Variants in RNFT2 observed in about 807,000 individuals in gnomAD.
RNFT2 encodes the protein E3 ubiquitin-protein ligase RNFT2.
In RNFT2, 36 loss-of-function variants were observed where a neutral mutation model predicts 53.0. The ratio of observed to expected loss-of-function variants is 0.68; its 90% CI spans 0.52 to 0.90. The LOEUF (loss-of-function observed/expected upper bound fraction) is 0.90, where lower values mean the gene tolerates loss of function less well. Among genes scored for constraint, RNFT2 ranks in the 40% least tolerant of loss-of-function variants. RNFT2 has a pLI of 0.00. For synonymous variants in RNFT2, 260 were observed against 253.2 expected (o/e 1.03, Z -0.26); for missense variants, 514 against 585.6 (o/e 0.88, Z 1.26).
chr12:116,845,012 G>T (rs1012165563), intron 10 of RNFT2, among the ~76,000 whole-genome samples: 2 of 152,078 alleles, frequency 1.3e-5, no homozygotes, highest in Non-Finnish European at 2.9e-5. Context: ...AGAGGCCAAG[G>T]TGGGAGGATC....
chr12:116,850,526 T>G lies in RNFT2; in HGVS notation c.*1078T>G, dbSNP rs1347745179. 2 of 151,964 alleles carry G rather than the reference T, an allele frequency of 1.3e-5. No individual in the cohort carries two copies. Among genetic ancestry groups the G allele is most frequent in the East Asian group, 3.9e-4 (2 of 5,182 alleles). The allele number at this position is 151,964 out of a possible 1,614,324, so 9.4% of individuals were successfully genotyped here. On this transcript the variant is annotated 3_prime_UTR_variant, in exon 11 of 11. Coordinates refer to ENST00000257575, the MANE Select transcript of RNFT2 (RefSeq NM_001382266.1). ...GTACCTAGGACTTGATGGTGCAGGC[T>G]GGGGAGGAGCCTAGAGATCACTGCC...
intron 7 of RNFT2, among the ~76,000 whole-genome samples, chr12:116,819,690 C>G (rs1015499969): frequency 7.9e-5 from 12 of 152,234 alleles, no homozygotes; most frequent in African/African-American, 2.7e-4. Flanking sequence ...CGCCTCCTAC[C>G]TGCTGCGCTT....
chr12:116,836,242 G>C lies in RNFT2; in HGVS notation c.1160G>C (p.Cys387Ser). ...GAAGCTGGTGACATCTGCGCCATCT[G>C]TCAGGCCGAGTTCCGAGAGCCTCTG... ...CTEAGDICAI[C>S]QAEFREPLIL... Residue 387 changes from cysteine to serine, a missense_variant, in exon 10 of 11, where the codon TGT becomes TCT. By Grantham distance (112) the Cys-to-Ser change is moderately radical (BLOSUM62 -1). Coordinates refer to ENST00000257575, the MANE Select transcript of RNFT2 (RefSeq NM_001382266.1). 6.3e-7 allele frequency: 1 copy of C among 1,588,684 alleles called. No homozygotes were observed. Among genetic ancestry groups the C allele is most frequent in the Non-Finnish European group, 8.6e-7 (1 of 1,167,572 alleles).
At position 116,795,387 on chromosome 12, in the gene RNFT2, G is replaced by A. The variant is rs562296842; in HGVS notation, c.882+16039G>A. On this transcript the variant is annotated intron_variant, in intron 7 of 10. Transcript: ENST00000257575. ...CACACCACTGCACTCCAGCCTGGGC[G>A]GCAGAGTGAGACTCCATCTCCAGAA... Among the ~76,000 whole-genome samples, 50 of 151,600 alleles carry A rather than the reference G, an allele frequency of 3.3e-4. 1 individual carries two copies. The East Asian group carries it at 6.2e-3, about 19-fold the overall frequency.
intron 7 of RNFT2, among the ~76,000 whole-genome samples, chr12:116,830,907 C>CAA (rs1181415958): frequency 2.5e-5 from 3 of 118,116 alleles, no homozygotes; most frequent in Admixed American, 8.8e-5. Flanking sequence ...GACTCCGTCT[C>CAA]AAAAAAAAAA....
intron 7 of RNFT2, among the ~76,000 whole-genome samples, chr12:116,828,977 A>G (rs1320027816): frequency 6.6e-6 from 1 of 151,908 alleles, no homozygotes; most frequent in African/African-American, 2.4e-5. Context: ...GATAGACCCC[A>G]TCTCTAAAAC....
intron 3 of RNFT2, among the ~76,000 whole-genome samples, chr12:116,749,432 C>T (rs1181128225): frequency 1.3e-5 from 2 of 152,114 alleles, no homozygotes; most frequent in African/African-American, 2.4e-5. Context: ...CATGCGCCAC[C>T]ATGCCTGGCT....
At chr12:116,842,428 GTGTA>G (rs1195780642) in intron 10 of RNFT2, among the ~76,000 whole-genome samples, 1 of 152,136 alleles carries the variant, frequency 6.6e-6, no homozygotes, top group African/African-American at 2.4e-5. Context: ...CTTAGCAGCT[GTGTA>G]CCTTGGGCGC....
In RNFT2 at chr12:116,791,807, A is replaced by G. The variant is rs140881648; in HGVS notation, c.882+12459A>G. Among the ~76,000 whole-genome samples, 40 of 152,330 alleles carry G rather than the reference A, an allele frequency of 2.6e-4. No individual in the cohort carries two copies. The East Asian group carries it at 7.2e-3, about 27-fold the overall frequency. On this transcript the variant is annotated intron_variant, in intron 7 of 10. Transcript: ENST00000257575. Reference sequence around the variant, plus strand: ...ATACATAGGCAGAGAATTCTGGATCATGCTGTAATCCTATGTTGAACCTTT... The same window carrying G: ...ATACATAGGCAGAGAATTCTGGATCGTGCTGTAATCCTATGTTGAACCTTT...
intron 7 of RNFT2, among the ~76,000 whole-genome samples, chr12:116,826,541 G>A (rs1036982852): frequency 6.6e-6 from 1 of 152,106 alleles, no homozygotes; most frequent in Non-Finnish European, 1.5e-5. Flanking sequence ...GGTTTTGCTG[G>A]GATATGCCCA....
chr12:116,821,872 A>G (rs1363290777), intron 7 of RNFT2, among the ~76,000 whole-genome samples: 1 of 110,166 alleles, frequency 9.1e-6, no homozygotes, highest in Admixed American at 1.4e-4. Context: ...GCTGGAGTGC[A>G]TGGAGTGCAT....
Position 116,766,863 on chromosome 12 carries a change from G to A in RNFT2, c.677G>A (p.Gly226Glu). 1.9e-6 allele frequency: 3 copies of A among 1,598,542 alleles called. No homozygotes were observed. Among genetic ancestry groups the A allele is most frequent in the Non-Finnish European group, 1.7e-6 (2 of 1,172,284 alleles). ...TTGTGGATCCTGGCCTTTCTGGCGG[G>A]GAACACCCTCTATGTGCTTTATACA... ...VILWILAFLA[G>E]NTLYVLYTFS... is the part of the protein sequence containing the mutation. The change falls in exon 6 of 11, where the codon GGG (glycine) becomes GAG (glutamate). Residue 226 changes from glycine (G) to glutamate (E), a missense_variant. Coordinates refer to ENST00000257575, the MANE Select transcript of RNFT2 (RefSeq NM_001382266.1).
intron 7 of RNFT2, among the ~76,000 whole-genome samples, chr12:116,823,675 T>C (rs1429804363): frequency 1.3e-5 from 2 of 152,202 alleles, no homozygotes; most frequent in East Asian, 3.8e-4. Flanking sequence ...ACAGCAAGAC[T>C]CTGTCTAAAA....
At chr12:116,792,513 C>T (rs933153992) in intron 7 of RNFT2, among the ~76,000 whole-genome samples, 14 of 152,154 alleles carry the variant, frequency 9.2e-5, no homozygotes, top group African/African-American at 2.9e-4. Context: ...CTTGCGCCTC[C>T]GAGCTGTGGG....
intron 6 of RNFT2, among the ~76,000 whole-genome samples, chr12:116,773,220 C>G (rs957995394): frequency 2.0e-5 from 3 of 152,204 alleles, no homozygotes; most frequent in Non-Finnish European, 2.9e-5. Context: ...CCTTGGCCTC[C>G]CAAAGTGCTG....
At chr12:116,744,225 CAAAAA>C (rs5801197) in intron 3 of RNFT2, among the ~76,000 whole-genome samples, 1 of 100,058 alleles carries the variant, frequency 1.0e-5, no homozygotes. Context: ...GACTCCTCCT[CAAAAA>C]AAAAAAAAAA....
At chr12:116,807,867 G>C (rs973705389) in intron 7 of RNFT2, among the ~76,000 whole-genome samples, 1 of 152,042 alleles carries the variant, frequency 6.6e-6, no homozygotes, top group African/African-American at 2.4e-5. Context: ...GCTTTGATGC[G>C]ATTGTGGCTC....
chr12:116,751,724 T>C (rs1225641729), intron 4 of RNFT2, among the ~76,000 whole-genome samples: 1 of 152,036 alleles, frequency 6.6e-6, no homozygotes, highest in Non-Finnish European at 1.5e-5. Flanking sequence ...TTGTTATTAT[T>C]AATCTTACTT....
rs183339011 is a variant in RNFT2, at chr12:116,739,606, A to G, written c.-153-739A>G. The stretch of plus-strand genomic sequence containing the variant: ...GCCCTGCGGGACCAAGCCCTGCCAC[A>G]TTTAGAGGAGAAAGTATTCCAAGGG... On this transcript the variant is annotated intron_variant, in intron 1 of 10. Coordinates refer to ENST00000257575, the MANE Select transcript of RNFT2 (RefSeq NM_001382266.1). Among the ~76,000 whole-genome samples the G allele has an allele frequency of 2.5e-3, 381 of 152,366 alleles. 5 individuals carry two copies. The highest frequency in any genetic ancestry group is 8.9e-3 in the African/African-American group (370 of 41,588).
Sources: gnomAD v4.1 joint callset for allele counts (sites outside exome capture counted in the v4.1 genomes callset) on GRCh38, gnomAD v4.1.1 for gene constraint, MANE v1.5 for transcripts, NCBI Gene and HGNC (gene_info 2026-07-23, HGNC 2026-07-21) for gene names.